GALNT2: variants seen among roughly 807,000 people sequenced by gnomAD.
GALNT2 encodes polypeptide N-acetylgalactosaminyltransferase 2, also known as UDP-GalNAc:polypeptide N-acetylgalactosaminyltransferase 2.
A neutral mutation model predicts 81.4 loss-of-function variants in GALNT2; 31 were observed. The ratio of observed to expected loss-of-function variants is 0.38; its 90% CI spans 0.29 to 0.51. The LOEUF (loss-of-function observed/expected upper bound fraction) is 0.51, where lower values mean the gene tolerates loss of function less well. GALNT2 is among the 20% of genes least tolerant of loss of function. The pLI, the probability that GALNT2 is intolerant of heterozygous loss-of-function variation, is 0.87. For missense variants in GALNT2, 629 were observed against 765.7 expected (o/e 0.82, Z 2.11); for synonymous variants, 303 against 287.4 (o/e 1.05, Z -0.55).
chr1:230,160,082 C>T (rs1662384741), intron 1 of GALNT2, among the ~76,000 whole-genome samples: 1 of 152,208 alleles, frequency 6.6e-6, no homozygotes, highest in African/African-American at 2.4e-5. Context: ...GATTATCCTT[C>T]TCCAGGATGA....
intron 3 of GALNT2, among the ~76,000 whole-genome samples, chr1:230,234,208 G>T (rs1485920392): frequency 6.6e-6 from 1 of 152,042 alleles, no homozygotes; most frequent in African/African-American, 2.4e-5. Context: ...ACATCTTCTG[G>T]ATGAACTTCC....
intron 8 of GALNT2, among the ~76,000 whole-genome samples, chr1:230,247,183 G>T (rs1665399665): frequency 6.6e-6 from 1 of 152,086 alleles, no homozygotes; most frequent in African/African-American, 2.4e-5. Flanking sequence ...AGTGAGCCAC[G>T]ATCAACCCTG....
chr1:230,228,735 C>T (rs1013988059), intron 3 of GALNT2, among the ~76,000 whole-genome samples: 7 of 152,128 alleles, frequency 4.6e-5, no homozygotes, highest in Middle Eastern at 3.4e-3. Context: ...TGTTGCCCTA[C>T]TATGTGTTGT....
chr1:230,126,188 T>C, intron 1 of GALNT2, among the ~76,000 whole-genome samples: 1 of 151,974 alleles, frequency 6.6e-6, no homozygotes, highest in East Asian at 1.9e-4. Context: ...GCTGTGGAGA[T>C]GGTGATGGGA....
At chr1:230,089,874 T>C (rs913414585) in intron 1 of GALNT2, among the ~76,000 whole-genome samples, 8 of 152,186 alleles carry the variant, frequency 5.3e-5, no homozygotes, top group Admixed American at 1.3e-4. Context: ...ACATTTCCCT[T>C]CGAGACCCTG....
intron 1 of GALNT2, among the ~76,000 whole-genome samples, chr1:230,127,919 G>T (rs1333996922): frequency 1.3e-5 from 2 of 152,208 alleles, no homozygotes; most frequent in African/African-American, 4.8e-5. Flanking sequence ...AGTCCTCCCT[G>T]TGAAGCCAGC....
Position 230,165,542 on chromosome 1 carries a change from T to C in GALNT2, c.127-12676T>C, listed in dbSNP as rs115443848. 4.8e-3 allele frequency among the ~76,000 whole-genome samples: 738 copies of C among 152,374 alleles called. 8 individuals are homozygous for C. Among genetic ancestry groups the C allele is most frequent in the African/African-American group, 0.016 (673 of 41,584 alleles). ...TCAGTCGCTTTCTAGTTCTTGATGTTGGATGCCAAGCCAAGTTGCTTTCCG... is the reference window on the plus strand; with the variant it reads ...TCAGTCGCTTTCTAGTTCTTGATGTCGGATGCCAAGCCAAGTTGCTTTCCG... On this transcript the variant is annotated intron_variant, in intron 1 of 15. Coordinates refer to ENST00000366672, the MANE Select transcript of GALNT2 (RefSeq NM_004481.5).
At chr1:230,162,354 G>A (rs1439561403) in intron 1 of GALNT2, among the ~76,000 whole-genome samples, 1 of 152,186 alleles carries the variant, frequency 6.6e-6, no homozygotes, top group Non-Finnish European at 1.5e-5. Flanking sequence ...CATTCCGGGT[G>A]ATGCTACTAA....
upstream of GALNT2, chr1:230,067,199 C>G: frequency 1.1e-6 from 1 of 873,742 alleles, no homozygotes; most frequent in Non-Finnish European, 1.5e-6. Flanking sequence ...CTCCGCTCCT[C>G]CCCCGGCCCC....
intron 2 of GALNT2, among the ~76,000 whole-genome samples, chr1:230,181,035 T>A (rs945284574): frequency 2.0e-5 from 3 of 152,220 alleles, no homozygotes; most frequent in African/African-American, 7.2e-5. Context: ...GCACAGACAA[T>A]CATGTGATCT....
intron 1 of GALNT2, among the ~76,000 whole-genome samples, chr1:230,078,439 G>C (rs2102750637): frequency 6.6e-6 from 1 of 152,350 alleles, no homozygotes; most frequent in African/African-American, 2.4e-5. Flanking sequence ...AGAAGCAGCT[G>C]AAAACTAGTA....
intron 3 of GALNT2, among the ~76,000 whole-genome samples, chr1:230,219,769 C>T (rs1051552965): frequency 9.2e-5 from 14 of 152,152 alleles, no homozygotes; most frequent in African/African-American, 3.4e-4. Context: ...TCTCCACTGC[C>T]CTTCTAAACC....
intron 4 of GALNT2, 95 bp downstream of exon 4, chr1:230,236,207 C>T: frequency 1.4e-6 from 2 of 1,403,686 alleles, no homozygotes; most frequent in Non-Finnish European, 2.0e-6. Context: ...GGGCTGCAGA[C>T]AGGGTCTCCT....
intron 1 of GALNT2, among the ~76,000 whole-genome samples, chr1:230,144,364 A>T (rs1558107344): frequency 6.6e-6 from 1 of 152,002 alleles, no homozygotes; most frequent in Non-Finnish European, 1.5e-5. Context: ...AGACTACTAC[A>T]CTCGGCTTCT....
At chr1:230,167,383 G>A (rs1019055875) in intron 1 of GALNT2, among the ~76,000 whole-genome samples, 2 of 152,208 alleles carry the variant, frequency 1.3e-5, no homozygotes, top group Non-Finnish European at 2.9e-5. Flanking sequence ...CTGGGCTCAA[G>A]TTGTCCTCCC....
intron 1 of GALNT2, among the ~76,000 whole-genome samples, chr1:230,120,519 ATG>A (rs1660983583): frequency 6.6e-6 from 1 of 152,146 alleles, no homozygotes; most frequent in African/African-American, 2.4e-5. Flanking sequence ...ACTGTGTTCC[ATG>A]TCTAAGTGGA....
At chr1:230,164,250 C>T (rs1472554348) in intron 1 of GALNT2, among the ~76,000 whole-genome samples, 2 of 152,258 alleles carry the variant, frequency 1.3e-5, no homozygotes, top group Middle Eastern at 3.4e-3. Context: ...GCCGTCGGGC[C>T]CATGGGGAAG....
chr1:230,140,726 A>G (rs1661704211), intron 1 of GALNT2, among the ~76,000 whole-genome samples: 1 of 151,612 alleles, frequency 6.6e-6, no homozygotes, highest in African/African-American at 2.4e-5. Flanking sequence ...CTTTCTCCTC[A>G]CCCCTCCCTT....
intron 8 of GALNT2, among the ~76,000 whole-genome samples, chr1:230,248,649 A>T (rs533956231): frequency 6.6e-6 from 1 of 152,106 alleles, no homozygotes; most frequent in African/African-American, 2.4e-5. Context: ...CCGCTGGCTC[A>T]TTTTCCCTTA....
Sources: gnomAD v4.1 joint callset for allele counts (sites outside exome capture counted in the v4.1 genomes callset) on GRCh38, gnomAD v4.1.1 for gene constraint, MANE v1.5 for transcripts, NCBI Gene and HGNC (gene_info 2026-07-23, HGNC 2026-07-21) for gene names.